SBF2: variants seen among roughly 807,000 people sequenced by gnomAD.
SBF2 encodes the protein SET binding factor 2, also known as myotubularin-related protein 13.
Under a neutral mutation model 225.2 loss-of-function variants are expected in SBF2, and 112 were observed. The observed-to-expected ratio is 0.50, with a 90% CI of 0.43 to 0.58. SBF2 has a LOEUF of 0.58. Among genes scored for constraint, SBF2 ranks in the 20% least tolerant of loss-of-function variants. The pLI is 0.00. For synonymous variants in SBF2, 763 were observed against 773.3 expected (o/e 0.99, Z 0.22); for missense variants, 1,996 against 2,206.2 (o/e 0.90, Z 1.91).
rs1337655450 is a variant in SBF2 at position 9,968,428 on chromosome 11, T to C, written c.1513A>G (p.Ile505Val). ...TGGTTCTTAGCAACATTTTCCTGTA[T>C]TAATTCCTGAACCCGGGCTTCATTA... ...EINEARVQELIQENVAKNQNA... is the reference protein window; with the variant it reads ...EINEARVQELVQENVAKNQNA... The change falls in exon 14 of 40, where the codon ATA becomes GTA. Residue 505 changes from isoleucine to valine, a missense_variant. Coordinates refer to ENST00000256190, the MANE Select transcript of SBF2 (RefSeq NM_030962.4). 9.3e-6 allele frequency: 15 copies of C among 1,614,158 alleles called. No homozygotes were observed. Among genetic ancestry groups the C allele is most frequent in the Non-Finnish European group, 1.3e-5 (15 of 1,180,016 alleles).
intron 16 of SBF2, among the ~76,000 whole-genome samples, chr11:9,933,557 C>T (rs577995031): frequency 6.6e-6 from 1 of 152,298 alleles, no homozygotes; most frequent in Admixed American, 6.5e-5. Context: ...TCCTGAATGA[C>T]TACTGGGTAC....
chr11:10,264,525 C>A lies in SBF2; in HGVS notation c.55+29490G>T, dbSNP rs548341362. Among the ~76,000 whole-genome samples the A allele has an allele frequency of 1.0e-3, 154 of 151,848 alleles. 1 individual carries two copies. The highest frequency in any genetic ancestry group is 3.6e-3 in the African/African-American group (149 of 41,428). On this transcript the variant is annotated intron_variant, in intron 1 of 39. Coordinates refer to ENST00000256190, the MANE Select transcript of SBF2 (RefSeq NM_030962.4). ...CATGTGCCAGGTATTTTGCCAGGTA[C>A]TACAAAAAAAATGAGCAGAAAACAG... is the stretch of plus-strand genomic sequence containing the variant.
chr11:9,917,603 A>T (rs1185271278), intron 16 of SBF2, among the ~76,000 whole-genome samples: 1 of 151,654 alleles, frequency 6.6e-6, no homozygotes, highest in East Asian at 1.9e-4. Context: ...AAGTGCTGGG[A>T]TTACAGGCAT....
chr11:10,231,719 CT>C (rs1291070151), intron 1 of SBF2, among the ~76,000 whole-genome samples: 1 of 152,216 alleles, frequency 6.6e-6, no homozygotes, highest in Non-Finnish European at 1.5e-5. Flanking sequence ...TCCACCCCTA[CT>C]GGGGGGTGCC....
chr11:10,160,715 G>A (rs1955691893), intron 2 of SBF2, among the ~76,000 whole-genome samples: 1 of 152,038 alleles, frequency 6.6e-6, no homozygotes. Context: ...AGAACTCTAA[G>A]CCCTTCATTA....
chr11:10,138,101 G>A (rs985222287), intron 2 of SBF2, among the ~76,000 whole-genome samples: 1 of 151,912 alleles, frequency 6.6e-6, no homozygotes, highest in Admixed American at 6.6e-5. Context: ...ATAATTATCT[G>A]GTAAAATCAT....
chr11:10,024,736 G>A (rs1948988530), intron 6 of SBF2, among the ~76,000 whole-genome samples: 1 of 152,168 alleles, frequency 6.6e-6, no homozygotes, highest in South Asian at 2.1e-4. Flanking sequence ...GAGAGTTGAG[G>A]AAGGGGCTGA....
At chr11:10,003,118 T>C (rs777485696) in intron 6 of SBF2, among the ~76,000 whole-genome samples, 14 of 152,232 alleles carry the variant, frequency 9.2e-5, no homozygotes, top group Non-Finnish European at 1.6e-4. Flanking sequence ...TCTCTACTTC[T>C]TGTAAACAGC....
intron 2 of SBF2, among the ~76,000 whole-genome samples, chr11:10,077,260 T>C (rs1213384311): frequency 1.3e-5 from 2 of 152,090 alleles, no homozygotes; most frequent in East Asian, 3.9e-4. Flanking sequence ...GCCATCCCCA[T>C]CAAGCTACCA....
At chr11:9,877,991 G>GA (rs1859415905) in intron 17 of SBF2, among the ~76,000 whole-genome samples, 1 of 152,156 alleles carries the variant, frequency 6.6e-6, no homozygotes. Flanking sequence ...CACAATGGTT[G>GA]AACTCATTTA....
chr11:10,018,438 T>C (rs555438551), intron 6 of SBF2, among the ~76,000 whole-genome samples: 1 of 152,314 alleles, frequency 6.6e-6, no homozygotes, highest in Admixed American at 6.5e-5. Context: ...GGAGTAGCCA[T>C]ATTTTATAAA....
Position 9,963,832 on chromosome 11 carries a change from C to A in SBF2, c.1651G>T (p.Glu551Ter). The change falls in exon 15 of 40, where the codon GAA (glutamate) becomes TAA (stop). Residue 551 changes from glutamate to a stop codon, truncating the protein, a stop_gained. Transcript: ENST00000256190. LOFTEE classifies it high-confidence loss of function. The part of the protein sequence containing the change: ...TTVFNSAQRL[E>*]VVRNCISFIF... ...AATGAGATACAGTTTCTGACAACTTCTAGTCTTTGTGCACTGTTGAAAACT... is the reference window on the plus strand; with the variant it reads ...AATGAGATACAGTTTCTGACAACTTATAGTCTTTGTGCACTGTTGAAAACT... The A allele has an allele frequency of 1.2e-6, 2 of 1,611,842 alleles. No homozygotes were observed. The highest frequency in any genetic ancestry group is 1.7e-6 in the Non-Finnish European group (2 of 1,178,360).
At position 9,779,597 on chromosome 11, in the gene SBF2, A is replaced by C. The variant is rs1481108359; in HGVS notation, c.*821T>G. ...TTTCCAACATCTTCACTTCATTGGG[A>C]ATTCAGTGCAAGTGTTTGTTTTGTG... On this transcript the variant is annotated 3_prime_UTR_variant, in exon 40 of 40. Coordinates refer to ENST00000256190, the MANE Select transcript of SBF2 (RefSeq NM_030962.4). The C allele has an allele frequency of 6.5e-6, 1 of 152,840 alleles. No individual in the cohort carries two copies. The highest frequency in any genetic ancestry group is 1.5e-5 in the Non-Finnish European group (1 of 68,202). The allele number at this position is 152,840 out of a possible 1,614,324, so 9.5% of individuals were successfully genotyped here.
intron 6 of SBF2, among the ~76,000 whole-genome samples, chr11:10,007,314 T>C (rs1327897216): frequency 6.6e-6 from 1 of 152,112 alleles, no homozygotes; most frequent in Non-Finnish European, 1.5e-5. Flanking sequence ...TGCATCTTCA[T>C]ACCACAGAAC....
intron 17 of SBF2, among the ~76,000 whole-genome samples, chr11:9,878,575 G>C (rs11042523): frequency 3.9e-5 from 6 of 152,088 alleles, no homozygotes; most frequent in Non-Finnish European, 4.4e-5. Flanking sequence ...TCTCTTAATA[G>C]CCTTTGAGGG....
At chr11:9,969,768 CATTTT>C (rs940494819) in intron 13 of SBF2, among the ~76,000 whole-genome samples, 26 of 152,310 alleles carry the variant, frequency 1.7e-4, no homozygotes, top group Admixed American at 5.2e-4. Context: ...ACATACTTTA[CATTTT>C]ATTTAACTTG....
intron 16 of SBF2, among the ~76,000 whole-genome samples, chr11:9,939,076 C>CTTT (rs1554961687): frequency 6.6e-6 from 1 of 151,826 alleles, no homozygotes; most frequent in Non-Finnish European, 1.5e-5. Flanking sequence ...TGCTTTATTT[C>CTTT]TTTATTTTAT....
chr11:10,126,708 G>C (rs2135076486), intron 2 of SBF2, among the ~76,000 whole-genome samples: 1 of 152,152 alleles, frequency 6.6e-6, no homozygotes, highest in East Asian at 1.9e-4. Flanking sequence ...ACTGACACCA[G>C]AAATTCAAAC....
intron 13 of SBF2, among the ~76,000 whole-genome samples, chr11:9,978,339 C>T (rs7120403): frequency 0.14 from 21,976 of 152,128 alleles, 1,705 homozygotes; most frequent in African/African-American, 0.18. Flanking sequence ...TCCACTGGGA[C>T]AGTCACAAAT....
Sources: gnomAD v4.1 joint callset for allele counts (sites outside exome capture counted in the v4.1 genomes callset) on GRCh38, gnomAD v4.1.1 for gene constraint, MANE v1.5 for transcripts, NCBI Gene and HGNC (gene_info 2026-07-23, HGNC 2026-07-21) for gene names.